The following NIFK variants were observed in gnomAD, a reference collection of about 807,000 sequenced individuals.
NIFK encodes nucleolar protein interacting with the FHA domain of MKI67.
A neutral mutation model predicts 31.7 loss-of-function variants in NIFK; 16 were observed. The ratio of observed to expected loss-of-function variants is 0.50; its 90% CI spans 0.34 to 0.77. The LOEUF (loss-of-function observed/expected upper bound fraction) is 0.77, where lower values mean the gene tolerates loss of function less well. Ranked by LOEUF, NIFK falls within the 30% of genes least tolerant of loss-of-function variation. The pLI, the probability that NIFK is intolerant of heterozygous loss-of-function variation, is 0.01. For synonymous variants in NIFK, 126 were observed against 123.0 expected (o/e 1.02, Z -0.16); for missense variants, 341 against 350.4 (o/e 0.97, Z 0.21).
chr2:121,736,725 T>C, intron 1 of NIFK, 21 bp downstream of exon 1: 1 of 1,601,880 alleles, frequency 6.2e-7, no homozygotes, highest in Non-Finnish European at 8.6e-7. Flanking sequence ...GCTCGCAGCC[T>C]GGGCCAGGGT....
At chr2:121,732,454 A>G (rs2074548332) in intron 2 of NIFK, among the ~76,000 whole-genome samples, 1 of 152,168 alleles carries the variant, frequency 6.6e-6, no homozygotes, top group Admixed American at 6.5e-5. Flanking sequence ...TAAATACACA[A>G]TTCCTATGGC....
intron 2 of NIFK, among the ~76,000 whole-genome samples, chr2:121,734,519 G>A (rs1332832706): frequency 3.9e-5 from 6 of 151,942 alleles, no homozygotes; most frequent in Non-Finnish European, 8.8e-5. Context: ...GTGGCCGGGC[G>A]CACTGGCTCA....
intron 2 of NIFK, among the ~76,000 whole-genome samples, chr2:121,733,118 C>G (rs1245474021): frequency 1.3e-5 from 2 of 150,162 alleles, no homozygotes; most frequent in Non-Finnish European, 3.0e-5. Context: ...GTGGCTCATG[C>G]CTGTAATCCC....
chr2:121,729,738 G>T (rs1381779429), intron 4 of NIFK, among the ~76,000 whole-genome samples: 2 of 152,086 alleles, frequency 1.3e-5, no homozygotes, highest in African/African-American at 4.8e-5. Flanking sequence ...CTAATAAATG[G>T]CAATCTAAGA....
chr2:121,733,217 A>G (rs1304941989), intron 2 of NIFK, among the ~76,000 whole-genome samples: 1 of 151,954 alleles, frequency 6.6e-6, no homozygotes, highest in Non-Finnish European at 1.5e-5. Context: ...TGTCTCTACT[A>G]AAAATACAAA....
intron 2 of NIFK, among the ~76,000 whole-genome samples, chr2:121,734,947 A>T (rs1001204696): frequency 3.3e-5 from 5 of 152,208 alleles, no homozygotes; most frequent in African/African-American, 9.6e-5. Context: ...CCACATGCTA[A>T]ATCAAATAGG....
rs2074500348 is a variant in NIFK at position 121,727,605 on chromosome 2, C to G, written c.*119G>C. 1.2e-5 allele frequency: 10 copies of G among 862,680 alleles called. No individual in the cohort carries two copies. Among genetic ancestry groups the G allele is most frequent in the Non-Finnish European group, 1.9e-5 (10 of 532,732 alleles). The allele number at this position is 862,680 out of a possible 1,614,324, so 53.4% of individuals were successfully genotyped here. On this transcript the variant is annotated 3_prime_UTR_variant, in exon 7 of 7. Transcript: ENST00000285814. ...CACTGCTTTCCTTAACTTGACCAAA[C>G]AGTGTATTTTTCCTCTGAAAATCTT...
Position 121,727,839 on chromosome 2 carries a change from T to A in NIFK, c.767A>T (p.Asp256Val), listed in dbSNP as rs2074502713. The change falls in exon 7 of 7, where the codon GAT becomes GTT. Residue 256 changes from aspartate to valine, a missense_variant. Asp to Val is a radical substitution (Grantham distance 152). Coordinates refer to ENST00000285814, the MANE Select transcript of NIFK (RefSeq NM_032390.5). The part of the protein sequence containing the change: ...KSQVAELNDD[D>V]KDDEIVFKQP... ...TTTGAAAACTATTTCATCATCTTTATCATCATCATTCAGTTCAGCCACTTG... is the reference window on the plus strand; with the variant it reads ...TTTGAAAACTATTTCATCATCTTTAACATCATCATTCAGTTCAGCCACTTG... 1.9e-6 allele frequency: 3 copies of A among 1,612,700 alleles called. No individual in the cohort carries two copies. Among genetic ancestry groups the A allele is most frequent in the African/African-American group, 1.3e-5 (1 of 75,004 alleles).
chr2:121,729,995 C>A (rs1283271767), intron 4 of NIFK, among the ~76,000 whole-genome samples: 1 of 152,134 alleles, frequency 6.6e-6, no homozygotes, highest in Non-Finnish European at 1.5e-5. Flanking sequence ...GATGGATCAC[C>A]TGAGGTCAAG....
At chr2:121,731,198 G>C in intron 3 of NIFK, 94 bp from the exon 4 acceptor site, 1 of 682,556 alleles carries the variant, frequency 1.5e-6, no homozygotes, top group Non-Finnish European at 2.5e-6. Flanking sequence ...GATATGGCTG[G>C]GTACAGTGGC....
intron 2 of NIFK, among the ~76,000 whole-genome samples, chr2:121,733,572 G>A (rs555705009): frequency 2.0e-4 from 30 of 151,230 alleles, no homozygotes; most frequent in African/African-American, 4.1e-4. Flanking sequence ...CCAGCTACTC[G>A]GGAGGCTGGG....
chr2:121,735,466 T>C lies in NIFK; in HGVS notation c.243+147A>G. 1.1e-5 allele frequency: 9 copies of C among 797,346 alleles called. No homozygotes were observed. In the South Asian group the frequency reaches 1.5e-4, roughly 13 times the overall value. The allele number at this position is 797,346 out of a possible 1,614,324, so 49.4% of individuals were successfully genotyped here. ...TACAATAATACTGATTTTGCTCCTG[T>C]AGCTGTTTCAGATTCTAAACCTCCT... On this transcript the variant is annotated intron_variant, in intron 2 of 6. Coordinates refer to ENST00000285814, the MANE Select transcript of NIFK (RefSeq NM_032390.5).
At chr2:121,732,460 A>G (rs1469669797) in intron 2 of NIFK, among the ~76,000 whole-genome samples, 3 of 152,172 alleles carry the variant, frequency 2.0e-5, no homozygotes, top group Non-Finnish European at 2.9e-5. Flanking sequence ...CACAATTCCT[A>G]TGGCTGGAAT....
At chr2:121,735,783 A>AT in intron 1 of NIFK, 33 bp from the exon 2 acceptor site, 1 of 1,571,736 alleles carries the variant, frequency 6.4e-7, no homozygotes, top group Non-Finnish European at 8.7e-7. Flanking sequence ...AATTAAATAT[A>AT]TAAATAAGAA....
intron 4 of NIFK, 24 bp from the exon 5 acceptor site, chr2:121,728,560 G>T: frequency 1.5e-6 from 2 of 1,325,640 alleles, no homozygotes; most frequent in South Asian, 2.5e-5. Context: ...GTTAGAAATT[G>T]ACACTCATAT....
intron 1 of NIFK, among the ~76,000 whole-genome samples, chr2:121,736,333 C>G (rs1197098975): frequency 6.6e-6 from 1 of 152,260 alleles, no homozygotes; most frequent in African/African-American, 2.4e-5. Flanking sequence ...ATACAAACTT[C>G]CCGAATGTGT....
chr2:121,727,923 C>G lies in NIFK; in HGVS notation c.694-11G>C, dbSNP rs2074503672. On this transcript the variant is annotated splice_polypyrimidine_tract_variant and intron_variant, in intron 6 of 6. Coordinates refer to ENST00000285814, the MANE Select transcript of NIFK (RefSeq NM_032390.5). ...AACTGGTGTGGGGCCCTGGATTCAACAAGTAAAGATTATAATACATAAATG... is the reference window on the plus strand; with the variant it reads ...AACTGGTGTGGGGCCCTGGATTCAAGAAGTAAAGATTATAATACATAAATG... 8.3e-6 allele frequency: 13 copies of G among 1,575,752 alleles called. No homozygotes were observed. Among genetic ancestry groups the G allele is most frequent in the Non-Finnish European group, 9.4e-6 (11 of 1,169,150 alleles).
intron 2 of NIFK, among the ~76,000 whole-genome samples, chr2:121,735,046 G>A (rs1312187472): frequency 6.6e-6 from 1 of 152,180 alleles, no homozygotes; most frequent in Non-Finnish European, 1.5e-5. Flanking sequence ...GCTATGTAAA[G>A]CGTTTTCTCA....
Position 121,728,358 on chromosome 2 carries a change from TTAAAA to T in NIFK, c.625-7_625-3del. The T allele has an allele frequency of 6.3e-6, 10 of 1,588,232 alleles. No homozygotes were observed. The highest frequency in any genetic ancestry group is 7.8e-6 in the Non-Finnish European group (9 of 1,158,536). ...TTTTTTCTTCTTCTTACGTAAAACC[TTAAAA>T]TAAATTTTAAAACACATCAATTTGA... is the stretch of plus-strand genomic sequence containing the variant. On this transcript the variant is annotated splice_region_variant and splice_polypyrimidine_tract_variant and intron_variant, in intron 5 of 6. Coordinates refer to ENST00000285814, the MANE Select transcript of NIFK (RefSeq NM_032390.5).
Sources: allele counts gnomAD v4.1 joint callset (sites outside exome capture counted in the v4.1 genomes callset), GRCh38; gene constraint gnomAD v4.1.1; transcripts MANE v1.5; gene names NCBI Gene and HGNC (gene_info 2026-07-23, HGNC 2026-07-21).